Variants in SHC1 observed in about 807,000 individuals in gnomAD.
SHC1 encodes SHC-transforming protein 1.
In SHC1, 30 loss-of-function variants were observed where a neutral mutation model predicts 55.9. The ratio of observed to expected loss-of-function variants is 0.54; its 90% CI spans 0.40 to 0.73. The LOEUF is 0.73. Among genes scored for constraint, SHC1 ranks in the 30% least tolerant of loss-of-function variants. SHC1 has a pLI of 0.00. For missense variants in SHC1, 675 were observed against 777.1 expected, an observed-to-expected ratio of 0.87 and a Z score of 1.56; for synonymous variants, 309 against 306.1, an observed-to-expected ratio of 1.01 and a Z score of -0.10.
chr1:154,964,954 AAG>A (rs1355959523), intron 11 of SHC1, among the ~76,000 whole-genome samples: 3 of 152,230 alleles, frequency 2.0e-5, no homozygotes, highest in Non-Finnish European at 4.4e-5. Context: ...TATTTGTCAA[AAG>A]AGGGGCACAG....
intron 5 of SHC1, 28 bp from the exon 6 acceptor site, chr1:154,968,059 A>G: frequency 6.2e-7 from 1 of 1,613,486 alleles, no homozygotes; most frequent in Non-Finnish European, 8.5e-7. Flanking sequence ...AAAATTTTAC[A>G]GTTCTACTTT....
In SHC1 at chr1:154,968,053, T is replaced by C. The variant is rs373107037; in HGVS notation, c.805-22A>G. 27 of 1,613,738 alleles carry C rather than the reference T, an allele frequency of 1.7e-5. 1 individual carries two copies. The Middle Eastern group carries it at 2.0e-3, about 118-fold the overall frequency. On this transcript the variant is annotated intron_variant, in intron 5 of 11. Transcript: ENST00000448116. ...TGTCCTGGGGAGGAAGGTCAAAAAA[T>C]TTTACAGTTCTACTTTACTCCTGAC...
chr1:154,965,879 A>G (rs1655897502), intron 10 of SHC1, 67 bp downstream of exon 10: 1 of 1,577,180 alleles, frequency 6.3e-7, no homozygotes, highest in Non-Finnish European at 8.6e-7. Flanking sequence ...AAGAGCAGAT[A>G]GGCAGGAGAA....
chr1:154,966,373 A>G lies in SHC1; in HGVS notation c.1128T>C (p.Ala376=). 6.2e-7 allele frequency: 1 copy of G among 1,614,142 alleles called. No homozygotes were observed. The highest frequency in any genetic ancestry group is 8.5e-7 in the Non-Finnish European group (1 of 1,179,992). The stretch of plus-strand genomic sequence containing the variant: ...GGGCATTGGGTGCAGTGGGTCGAGC[A>G]GCCCCTGGAGCGGCTCCTTCCCGAA... ...MRLREGAAPG[A]ARPTAPNAQT... The change falls in exon 8 of 12, where the codon GCT becomes GCC. Residue 376 remains alanine (A), a synonymous_variant. Transcript: ENST00000448116.
In SHC1 at chr1:154,962,899, T is replaced by C. The variant is rs747309971; in HGVS notation, c.*904A>G. On this transcript the variant is annotated 3_prime_UTR_variant, in exon 12 of 12. Coordinates refer to ENST00000448116, the MANE Select transcript of SHC1 (RefSeq NM_001130040.2). Reference sequence around the variant, plus strand: ...ACTGCTTTATAGTCTCAATGCCCCTTTTCTCACCTCCACAAAATCCACCTG... The same window carrying C: ...ACTGCTTTATAGTCTCAATGCCCCTCTTCTCACCTCCACAAAATCCACCTG... 23 of 152,708 alleles carry C rather than the reference T, an allele frequency of 1.5e-4. No homozygotes were observed. The highest frequency in any genetic ancestry group is 3.7e-4 in the East Asian group (2 of 5,342). The allele number at this position is 152,708 out of a possible 1,614,324, so 9.5% of individuals were successfully genotyped here.
In SHC1 at chr1:154,970,441, G is replaced by A. The variant is rs1418019869; in HGVS notation, c.86C>T (p.Thr29Ile). Residue 29 changes from threonine (T) to isoleucine (I), a missense_variant, in exon 1 of 12, where the codon ACC becomes ATC. Transcript: ENST00000448116. The surrounding 1 kb of genome is among the most constrained non-coding windows in gnomAD (Gnocchi z 5.5). ...TGGGGAAGGCAGCTCCTCCGGGGGG[G>A]TGGACCCAGAAGCCCCTTCCTCCAG... ...SSLEEGASGS[T>I]PPEELPSPSA... is the part of the protein sequence containing the mutation. The A allele has an allele frequency of 1.2e-6, 2 of 1,610,972 alleles. No homozygotes were observed. The highest frequency in any genetic ancestry group is 2.2e-5 in the East Asian group (1 of 44,880).
Position 154,966,122 on chromosome 1 carries a change from C to T in SHC1, c.1252+40G>A, listed in dbSNP as rs761720417. The T allele has an allele frequency of 3.7e-6, 6 of 1,614,044 alleles. 1 individual carries two copies. In the South Asian group the frequency reaches 5.5e-5, roughly 15 times the overall value. ...TCTACAGTGATCCCAGCCCTGCCTC[C>T]AACACTCCCCAGCTCTGCCTATCTC... On this transcript the variant is annotated intron_variant, in intron 9 of 11. Coordinates refer to ENST00000448116, the MANE Select transcript of SHC1 (RefSeq NM_001130040.2).
At chr1:154,966,569 G>A in intron 7 of SHC1, 52 bp from the exon 8 acceptor site, 1 of 1,302,878 alleles carries the variant, frequency 7.7e-7, no homozygotes. Flanking sequence ...TGGGCAGGAG[G>A]AGGGAAGGAC....
rs982868673 is a variant in SHC1 at position 154,963,386 on chromosome 1, TG to T, written c.*416del. 1.0e-4 allele frequency: 15 copies of T among 147,210 alleles called. No homozygotes were observed. The highest frequency in any genetic ancestry group is 1.3e-4 in the Admixed American group (2 of 15,232). 9.1% of individuals were successfully genotyped at this position (147,210 alleles called of 1,614,324 possible). ...TGGTCAAAGGCACAAAGTTTAAACA[TG>T]GGGGGGGCGGGTGTTGAGAGGGGTC... On this transcript the variant is annotated 3_prime_UTR_variant, in exon 12 of 12. Transcript: ENST00000448116.
chr1:154,967,618 T>A, intron 7 of SHC1, 53 bp downstream of exon 7: 3 of 1,590,204 alleles, frequency 1.9e-6, no homozygotes, highest in Non-Finnish European at 2.6e-6. Context: ...AGAGCAGCCC[T>A]CCTTTCCTAA....
At chr1:154,966,977 C>A (rs1025960763) in intron 7 of SHC1, among the ~76,000 whole-genome samples, 1 of 152,146 alleles carries the variant, frequency 6.6e-6, no homozygotes, top group Non-Finnish European at 1.5e-5. Flanking sequence ...GGTGTGGTGG[C>A]ATGCACCTGT....
At position 154,962,758 on chromosome 1, in the gene SHC1, A is replaced by C. The variant is rs1655473513; in HGVS notation, c.*1045T>G. The C allele has an allele frequency of 6.5e-6, 1 of 152,798 alleles. No individual in the cohort carries two copies. Among genetic ancestry groups the C allele is most frequent in the African/African-American group, 2.4e-5 (1 of 41,456 alleles). 9.5% of individuals were successfully genotyped at this position (152,798 alleles called of 1,614,324 possible). The stretch of plus-strand genomic sequence containing the variant: ...AATAATTGATTATCATTTTGTGCTC[A>C]AGAATAAGCAATGGAAAAGAAAATA... On this transcript the variant is annotated 3_prime_UTR_variant, in exon 12 of 12. Transcript: ENST00000448116.
At chr1:154,973,896 G>C (rs1656996765), upstream of SHC1, among the ~76,000 whole-genome samples, 1 of 152,188 alleles carries the variant, frequency 6.6e-6, no homozygotes, top group African/African-American at 2.4e-5. Context: ...TTGAAGAGCA[G>C]GGTTTTGCCC....
rs982868673 is a variant in SHC1, at chr1:154,963,386, T to TG, written c.*416dup. On this transcript the variant is annotated 3_prime_UTR_variant, in exon 12 of 12. Transcript: ENST00000448116. ...TGGTCAAAGGCACAAAGTTTAAACATGGGGGGGGCGGGTGTTGAGAGGGGT... is the reference window on the plus strand; with the variant it reads ...TGGTCAAAGGCACAAAGTTTAAACATGGGGGGGGGCGGGTGTTGAGAGGGGT... The TG allele has an allele frequency of 1.1e-3, 168 of 147,244 alleles. No individual in the cohort carries two copies. Among genetic ancestry groups the TG allele is most frequent in the South Asian group, 7.2e-3 (37 of 5,136 alleles). The allele number at this position is 147,244 out of a possible 1,614,324, so 9.1% of individuals were successfully genotyped here. A position where few individuals can be genotyped will look rare whatever the true frequency, so the allele number is the denominator to read the frequency against.
chr1:154,969,427 G>T lies in SHC1; in HGVS notation c.517C>A (p.Leu173Ile). Residue 173 changes from leucine to isoleucine, a missense_variant, in exon 2 of 12, where the codon CTC (leucine) becomes ATC (isoleucine). Physicochemically the swap from Leu to Ile is conservative, Grantham distance 5. This residue lies in a region of SHC1 where 159 missense variants were observed against 246.9 expected (regional missense o/e 0.64). Transcript: ENST00000448116. ...LVRYMGCVEV[L>I]QSMRALDFNT... Reference sequence around the variant, plus strand: ...AAGTCCAGGGCACGCATTGACTGGAGGACCTCCACACAACCCATGTACTAA... The same window carrying T: ...AAGTCCAGGGCACGCATTGACTGGATGACCTCCACACAACCCATGTACTAA... 1 of 1,612,224 alleles carries T rather than the reference G, an allele frequency of 6.2e-7. No individual in the cohort carries two copies. Among genetic ancestry groups the T allele is most frequent in the Non-Finnish European group, 8.5e-7 (1 of 1,178,866 alleles).
Position 154,963,518 on chromosome 1 carries a change from C to CAG in SHC1, c.*284_*285insCT. 2 of 333,316 alleles carry CAG rather than the reference C, an allele frequency of 6.0e-6. No individual in the cohort carries two copies. Among genetic ancestry groups the CAG allele is most frequent in the Non-Finnish European group, 5.7e-6 (1 of 175,284 alleles). The allele number at this position is 333,316 out of a possible 1,614,324, so 20.6% of individuals were successfully genotyped here. A position where few individuals can be genotyped will look rare whatever the true frequency, so the allele number is the denominator to read the frequency against. On this transcript the variant is annotated 3_prime_UTR_variant, in exon 12 of 12. Coordinates refer to ENST00000448116, the MANE Select transcript of SHC1 (RefSeq NM_001130040.2). ...GGACATTTTCCATGACAAGCACTCA[C>CAG]CTTCTTGGGGAAGGGGCATCAGGTT...
At chr1:154,970,793 C>T (rs1005616286), upstream of SHC1, 1 of 366,724 alleles carries the variant, frequency 2.7e-6, no homozygotes, top group Non-Finnish European at 4.9e-6. This position sits in a 1 kb window ranked among gnomAD's most constrained non-coding sequence, Gnocchi z 5.5. Flanking sequence ...GGCTCCTCCC[C>T]AGGGGCGGGG....
At chr1:154,964,233 C>T (rs1655646511) in intron 11 of SHC1, 1 of 503,560 alleles carries the variant, frequency 2.0e-6, no homozygotes, top group African/African-American at 2.0e-5. Flanking sequence ...AGAGTATACA[C>T]AGTGCAAAAA....
chr1:154,969,117 C>G (rs4845401), intron 2 of SHC1, among the ~76,000 whole-genome samples: 54,630 of 152,032 alleles, frequency 0.36, 13,110 homozygotes, highest in East Asian at 0.95. Flanking sequence ...CATCTACCCC[C>G]CTTTTCTACT....
Sources: allele counts gnomAD v4.1 joint callset (sites outside exome capture counted in the v4.1 genomes callset), GRCh38; gene constraint gnomAD v4.1.1; regional missense constraint gnomAD v4.1.1; non-coding constraint Gnocchi (gnomAD v3.1); transcripts MANE v1.5; gene names NCBI Gene and HGNC (gene_info 2026-07-23, HGNC 2026-07-21).